Variants in IFT74 observed in about 807,000 individuals in gnomAD.
The protein encoded by IFT74 is intraflagellar transport protein 74 homolog.
A neutral mutation model predicts 96.7 loss-of-function variants in IFT74; 92 were observed. That is an observed-to-expected ratio of 0.95 (90% CI 0.80 to 1.13). The LOEUF (loss-of-function observed/expected upper bound fraction) is 1.13, where lower values mean the gene tolerates loss of function less well. IFT74 is among the 50% of genes most tolerant of loss of function. IFT74 has a pLI of 0.00. For missense variants in IFT74, 811 were observed against 698.2 expected (o/e 1.16, Z -1.82); for synonymous variants, 223 against 213.2 (o/e 1.05, Z -0.40).
intron 14 of IFT74, among the ~76,000 whole-genome samples, chr9:27,046,550 C>T (rs1819708850): frequency 1.3e-5 from 2 of 152,010 alleles, no homozygotes; most frequent in African/African-American, 4.8e-5. Flanking sequence ...AATCTGAATA[C>T]ATTATTAAAT....
chr9:26,962,329 T>A (rs1165317866), intron 2 of IFT74, among the ~76,000 whole-genome samples: 7 of 152,206 alleles, frequency 4.6e-5, no homozygotes, highest in Non-Finnish European at 1.0e-4. Flanking sequence ...TTATTAAACA[T>A]GTTTGTTTTG....
At chr9:27,052,432 C>T (rs577817195) in intron 16 of IFT74, among the ~76,000 whole-genome samples, 16 of 147,810 alleles carry the variant, frequency 1.1e-4, no homozygotes, top group East Asian at 2.0e-4. Context: ...CACTTGGACC[C>T]GGGAGGTGGA....
intron 12 of IFT74, among the ~76,000 whole-genome samples, chr9:27,025,034 CTAA>C (rs977124001): frequency 1.3e-5 from 2 of 150,198 alleles, no homozygotes; most frequent in East Asian, 3.9e-4. Flanking sequence ...ATGGCCAAAC[CTAA>C]GAATAATGGG....
Position 26,990,153 on chromosome 9 carries a change from G to T in IFT74, c.545G>T (p.Arg182Leu). ...ATTCAGCTTAAAGCTCAAAATGATC[G>T]AGAAACACAAAGTTTGGATGTCATA... ...DYNMLKAQND[R>L]ETQSLDVIFT... Residue 182 changes from arginine to leucine, a missense_variant, in exon 8 of 20, where the codon CGA (arginine) becomes CTA (leucine). By Grantham distance (102) the Arg-to-Leu change is moderately radical. Coordinates refer to ENST00000380062, the MANE Select transcript of IFT74 (RefSeq NM_025103.4). 1 of 1,496,000 alleles carries T rather than the reference G, an allele frequency of 6.7e-7. No homozygotes were observed. Among genetic ancestry groups the T allele is most frequent in the South Asian group, 1.5e-5 (1 of 67,870 alleles). 92.7% of individuals were successfully genotyped at this position (1,496,000 alleles called of 1,614,324 possible). A position where few individuals can be genotyped will look rare whatever the true frequency, so the allele number is the denominator to read the frequency against.
chr9:27,017,097 A>T (rs1405227483), intron 11 of IFT74, 47 bp downstream of exon 11: 2 of 1,530,758 alleles, frequency 1.3e-6, no homozygotes, highest in African/African-American at 2.8e-5. Flanking sequence ...GTTTTGGTAC[A>T]TGTATTGATT....
rs1488760712 is a variant in IFT74, at chr9:26,984,344, A to G, written c.393A>G (p.Ser131=). The G allele has an allele frequency of 1.9e-6, 3 of 1,584,416 alleles. No homozygotes were observed. The African/African-American group carries it at 4.1e-5, about 22-fold the overall frequency. ...MYNQENSVYL[S]YEKRAETLAV... ...ATCAAGAGAATTCAGTATATTTGTC[A>G]TATGAAAAGAGGTGAGTAATAAGTA... The change falls in exon 5 of 20, where the codon TCA becomes TCG. Residue 131 remains serine, a synonymous_variant. Transcript: ENST00000380062.
rs559837623 is a variant in IFT74 at position 26,997,606 on chromosome 9, T to G, written c.587+7411T>G. 6 of 1,045,642 alleles carry G rather than the reference T, an allele frequency of 5.7e-6. No homozygotes were observed. The African/African-American group carries it at 8.1e-5, about 14-fold the overall frequency. The allele number at this position is 1,045,642 out of a possible 1,614,324, so 64.8% of individuals were successfully genotyped here. On this transcript the variant is annotated intron_variant, in intron 8 of 19. Transcript: ENST00000380062. ...GCCTTGGCCTCCCATAGTGATGGGATTACAGGCATGAGCCACTGCGCCTGG... is the reference window on the plus strand; with the variant it reads ...GCCTTGGCCTCCCATAGTGATGGGAGTACAGGCATGAGCCACTGCGCCTGG...
At chr9:26,950,341 G>A (rs1033780517) in intron 1 of IFT74, among the ~76,000 whole-genome samples, 4 of 150,568 alleles carry the variant, frequency 2.7e-5, no homozygotes, top group South Asian at 2.1e-4. Context: ...AGAAAAGCAA[G>A]CTAATCAAAC....
At chr9:27,062,083 C>T (rs1730982412) in intron 19 of IFT74, among the ~76,000 whole-genome samples, 4 of 152,156 alleles carry the variant, frequency 2.6e-5, no homozygotes. Context: ...TCAGAAGCAG[C>T]CTGGACCCCA....
At chr9:26,961,160 G>A (rs1050451357) in intron 1 of IFT74, among the ~76,000 whole-genome samples, 1 of 147,826 alleles carries the variant, frequency 6.8e-6, no homozygotes, top group African/African-American at 2.5e-5. Flanking sequence ...GCGCAATCTC[G>A]GCTCACTGCA....
chr9:26,957,974 C>T (rs1826192382), intron 1 of IFT74, among the ~76,000 whole-genome samples: 2 of 152,034 alleles, frequency 1.3e-5, no homozygotes, highest in South Asian at 4.1e-4. Flanking sequence ...AGGATGGTCT[C>T]CATCTCCTGA....
At chr9:27,050,960 A>C (rs1446369660) in intron 16 of IFT74, among the ~76,000 whole-genome samples, 1 of 152,168 alleles carries the variant, frequency 6.6e-6, no homozygotes, top group Non-Finnish European at 1.5e-5. Context: ...AAAATCTAAA[A>C]AGATATTGGC....
chr9:26,972,481 G>A (rs548068285), intron 2 of IFT74, among the ~76,000 whole-genome samples: 20 of 152,152 alleles, frequency 1.3e-4, no homozygotes, highest in Non-Finnish European at 2.6e-4. Context: ...AAGCTACCCT[G>A]TCATTCACAT....
At chr9:27,027,971 A>G (rs1156349651) in intron 12 of IFT74, among the ~76,000 whole-genome samples, 1 of 152,144 alleles carries the variant, frequency 6.6e-6, no homozygotes, top group Non-Finnish European at 1.5e-5. Flanking sequence ...ATCCATTTCA[A>G]GTTAATTCTG....
At chr9:26,973,427 C>T (rs750871549) in intron 2 of IFT74, among the ~76,000 whole-genome samples, 1 of 152,142 alleles carries the variant, frequency 6.6e-6, no homozygotes, top group Non-Finnish European at 1.5e-5. Context: ...TTTCTCCTTA[C>T]TATGTCCCCA....
In IFT74 at chr9:26,978,210, C is replaced by G. The variant is rs768033736; in HGVS notation, c.203C>G (p.Ala68Gly). 14 of 1,613,388 alleles carry G rather than the reference C, an allele frequency of 8.7e-6. No homozygotes were observed. Among genetic ancestry groups the G allele is most frequent in the Non-Finnish European group, 1.2e-5 (14 of 1,179,844 alleles). The change falls in exon 3 of 20, where the codon GCC becomes GGC. Residue 68 changes from alanine (A) to glycine (G), a missense_variant. Coordinates refer to ENST00000380062, the MANE Select transcript of IFT74 (RefSeq NM_025103.4). ...GTTCTGTCTTCTCAAATCAAAGTTG[C>G]CCATCGCCCTGTAACACAACAAGGT... The part of the protein sequence containing the change: ...GGVLSSQIKV[A>G]HRPVTQQGLT...
intron 2 of IFT74, chr9:26,976,429 A>G (rs2131520504): frequency 5.6e-6 from 1 of 180,022 alleles, no homozygotes; most frequent in African/African-American, 2.4e-5. Context: ...TTTTATTCCT[A>G]ATGTGACTCC....
intron 7 of IFT74, among the ~76,000 whole-genome samples, chr9:26,989,436 C>A (rs1230241884): frequency 6.6e-6 from 1 of 151,998 alleles, no homozygotes; most frequent in East Asian, 1.9e-4. Context: ...TAATAGCTAG[C>A]TTATTTTGAT....
At chr9:27,023,560 A>G (rs1563982543) in intron 12 of IFT74, among the ~76,000 whole-genome samples, 1 of 151,226 alleles carries the variant, frequency 6.6e-6, no homozygotes, top group African/African-American at 2.4e-5. Flanking sequence ...TGGTTGGCTA[A>G]TTTTTTTTTG....
Sources: gnomAD v4.1 joint callset for allele counts (sites outside exome capture counted in the v4.1 genomes callset) on GRCh38, gnomAD v4.1.1 for gene constraint, MANE v1.5 for transcripts, NCBI Gene and HGNC (gene_info 2026-07-23, HGNC 2026-07-21) for gene names.